Variants in AFF4 observed in about 807,000 individuals in gnomAD.
AFF4 encodes ALF transcription elongation factor 4, also known as AF4/FMR2 family member 4.
Under a neutral mutation model 124.8 loss-of-function variants are expected in AFF4, and 13 were observed. The ratio of observed to expected loss-of-function variants is 0.10; its 90% CI spans 0.07 to 0.17. AFF4 has a LOEUF of 0.17. AFF4 is among the 10% of genes least tolerant of loss of function. The probability of loss-of-function intolerance (pLI) is 1.00; values close to 1 mark genes in which losing one functional copy is unlikely to be tolerated. For missense variants in AFF4, 1,092 were observed against 1,403.8 expected, an observed-to-expected ratio of 0.78 and a Z score of 3.55; for synonymous variants, 477 against 496.1, an observed-to-expected ratio of 0.96 and a Z score of 0.51.
At chr5:132,947,563 G>A (rs1167409896) in intron 1 of AFF4, among the ~76,000 whole-genome samples, 1 of 152,044 alleles carries the variant, frequency 6.6e-6, no homozygotes, top group Non-Finnish European at 1.5e-5. Flanking sequence ...TCAACTATAA[G>A]ATTATTGAGT....
In AFF4 at chr5:132,899,489, T is replaced by G. The variant is rs1438863753; in HGVS notation, c.1188+98A>C. On this transcript the variant is annotated intron_variant, in intron 8 of 20. Coordinates refer to ENST00000265343, the MANE Select transcript of AFF4 (RefSeq NM_014423.4). ...CAGTGTCAGAAAGCTTATAAGAAAC[T>G]TATTTTAAGTAATAAATGCATTATT... is the stretch of plus-strand genomic sequence containing the variant. The G allele has an allele frequency of 6.3e-6, 7 of 1,102,452 alleles. No homozygotes were observed. In the East Asian group the frequency reaches 1.5e-4, roughly 24 times the overall value. 68.3% of individuals were successfully genotyped at this position (1,102,452 alleles called of 1,614,324 possible). A position where few individuals can be genotyped will look rare whatever the true frequency, so the allele number is the denominator to read the frequency against.
intron 18 of AFF4, 60 bp downstream of exon 18, chr5:132,886,250 G>A (rs1760116396): frequency 8.3e-6 from 12 of 1,451,120 alleles, no homozygotes; most frequent in Admixed American, 1.7e-5. Context: ...TCTCAGATGG[G>A]GATGGGAGAC....
In AFF4 at chr5:132,878,299, C is replaced by T. The variant is rs151175527; in HGVS notation, c.*2760G>A. 294 of 230,484 alleles carry T rather than the reference C, an allele frequency of 1.3e-3. 3 individuals carry two copies. The highest frequency in any genetic ancestry group is 6.2e-3 in the African/African-American group (281 of 45,308). The allele number at this position is 230,484 out of a possible 1,614,324, so 14.3% of individuals were successfully genotyped here. On this transcript the variant is annotated 3_prime_UTR_variant, in exon 21 of 21. Transcript: ENST00000265343. ...TGTAAAGAGTCTAATGGTGTATAGG[C>T]TGCTGCCTCCTGGCATACAAGTGTA... is the stretch of plus-strand genomic sequence containing the variant.
intron 1 of AFF4, among the ~76,000 whole-genome samples, chr5:132,950,262 G>C (rs929819425): frequency 6.6e-6 from 1 of 152,106 alleles, no homozygotes; most frequent in Non-Finnish European, 1.5e-5. Flanking sequence ...GATCACCTGA[G>C]GTTGGGAGTT....
chr5:132,940,019 GA>G (rs1761529830), intron 1 of AFF4, among the ~76,000 whole-genome samples: 1 of 152,196 alleles, frequency 6.6e-6, no homozygotes, highest in South Asian at 2.1e-4. Flanking sequence ...CCAATGCAGT[GA>G]AACCCCATCT....
chr5:132,938,498 C>T (rs1761486135), intron 1 of AFF4, among the ~76,000 whole-genome samples: 1 of 151,828 alleles, frequency 6.6e-6, no homozygotes, highest in South Asian at 2.1e-4. Flanking sequence ...CTCCTGACCT[C>T]AAGTGATCCT....
chr5:132,912,069 T>G (rs1292669843), intron 5 of AFF4, among the ~76,000 whole-genome samples: 1 of 147,896 alleles, frequency 6.8e-6, no homozygotes, highest in Non-Finnish European at 1.5e-5. Flanking sequence ...AATAGTAAAA[T>G]GGGCCAGGTG....
At chr5:132,914,454 A>G (rs1227693720) in intron 5 of AFF4, among the ~76,000 whole-genome samples, 1 of 151,912 alleles carries the variant, frequency 6.6e-6, no homozygotes, top group African/African-American at 2.4e-5. Flanking sequence ...TACAAAAATT[A>G]GCCAGGCATG....
intron 14 of AFF4, among the ~76,000 whole-genome samples, chr5:132,888,721 G>A (rs950388502): frequency 5.3e-5 from 8 of 150,702 alleles, no homozygotes; most frequent in Middle Eastern, 3.4e-3. Context: ...TTTTTGAGAC[G>A]GAGTCTCGCT....
chr5:132,958,078 G>A (rs754404990), intron 1 of AFF4, among the ~76,000 whole-genome samples: 6 of 152,050 alleles, frequency 3.9e-5, no homozygotes, highest in Non-Finnish European at 7.4e-5. Flanking sequence ...TAAGGAATGC[G>A]TGTTACTTTT....
chr5:132,884,970 T>C (rs1275981176), intron 19 of AFF4, 106 bp downstream of exon 19: 2 of 684,878 alleles, frequency 2.9e-6, no homozygotes, highest in Non-Finnish European at 4.9e-6. Flanking sequence ...TCAGAGATGG[T>C]TTTACTTATT....
At chr5:132,917,881 T>C (rs1402279913) in intron 5 of AFF4, among the ~76,000 whole-genome samples, 2 of 141,040 alleles carry the variant, frequency 1.4e-5, no homozygotes, top group Non-Finnish European at 3.0e-5. Flanking sequence ...CACAGCTAAT[T>C]TTTGTATTTT....
Position 132,880,445 on chromosome 5 carries a change from T to C in AFF4, c.*614A>G, listed in dbSNP as rs1312677821. ...AGAATGCCATTTTCTCATATTTAAG[T>C]GATTTTTTCATGTGTAGAAGAATAT... is the stretch of plus-strand genomic sequence containing the variant. On this transcript the variant is annotated 3_prime_UTR_variant, in exon 21 of 21. Coordinates refer to ENST00000265343, the MANE Select transcript of AFF4 (RefSeq NM_014423.4). 2.5e-6 allele frequency: 1 copy of C among 398,008 alleles called. No individual in the cohort carries two copies. Among genetic ancestry groups the C allele is most frequent in the East Asian group, 3.6e-5 (1 of 27,984 alleles). The allele number at this position is 398,008 out of a possible 1,614,324, so 24.7% of individuals were successfully genotyped here. A position where few individuals can be genotyped will look rare whatever the true frequency, so the allele number is the denominator to read the frequency against.
In AFF4 at chr5:132,879,863, C is replaced by T; in HGVS notation, c.*1196G>A. 8.2e-6 allele frequency: 2 copies of T among 245,140 alleles called. No homozygotes were observed. The highest frequency in any genetic ancestry group is 1.2e-3 in the Middle Eastern group (1 of 866). The allele number at this position is 245,140 out of a possible 1,614,324, so 15.2% of individuals were successfully genotyped here. On this transcript the variant is annotated 3_prime_UTR_variant, in exon 21 of 21. Coordinates refer to ENST00000265343, the MANE Select transcript of AFF4 (RefSeq NM_014423.4). The stretch of plus-strand genomic sequence containing the variant: ...TGAAATTTTCTGATTCCATCAGAAA[C>T]ATACATCATTGAAGAGGGCCTTCAT...
chr5:132,928,443 G>A (rs1291614190), intron 4 of AFF4, among the ~76,000 whole-genome samples: 2 of 152,082 alleles, frequency 1.3e-5, no homozygotes, highest in Non-Finnish European at 2.9e-5. Context: ...AGTGATCTTT[G>A]TAGCCAAGGA....
At chr5:132,959,598 C>A (rs764621342) in intron 1 of AFF4, among the ~76,000 whole-genome samples, 20 of 151,802 alleles carry the variant, frequency 1.3e-4, no homozygotes, top group Non-Finnish European at 2.6e-4. Context: ...AGATATGATA[C>A]CAGCGAAAAT....
Position 132,938,377 on chromosome 5 carries a change from C to G in AFF4, c.-4-1184G>C, listed in dbSNP as rs535394179. On this transcript the variant is annotated intron_variant, in intron 1 of 20. Coordinates refer to ENST00000265343, the MANE Select transcript of AFF4 (RefSeq NM_014423.4). ...ATGCCTCCCGGGTTCAAGCGATTCT[C>G]CTACCTCAGCCTCCTGAGTAGCTGG... Among the ~76,000 whole-genome samples, 6 of 151,762 alleles carry G rather than the reference C, an allele frequency of 4.0e-5. No individual in the cohort carries two copies. The East Asian group carries it at 9.8e-4, about 25-fold the overall frequency.
At chr5:132,925,606 T>G (rs1344759316) in intron 5 of AFF4, among the ~76,000 whole-genome samples, 5 of 151,806 alleles carry the variant, frequency 3.3e-5, no homozygotes, top group Non-Finnish European at 7.4e-5. Flanking sequence ...AGGTAAAAAA[T>G]GCAACCCAAA....
At chr5:132,906,826 G>GT (rs1760681419) in intron 5 of AFF4, among the ~76,000 whole-genome samples, 1 of 152,130 alleles carries the variant, frequency 6.6e-6, no homozygotes, top group Non-Finnish European at 1.5e-5. Flanking sequence ...CAGGATGGGT[G>GT]TGGTGGCTTA....
Sources: allele counts gnomAD v4.1 joint callset (sites outside exome capture counted in the v4.1 genomes callset), GRCh38; gene constraint gnomAD v4.1.1; transcripts MANE v1.5; gene names NCBI Gene and HGNC (gene_info 2026-07-23, HGNC 2026-07-21).